TEAD1: variants seen among roughly 807,000 people sequenced by gnomAD.
TEAD1 encodes TEA domain transcription factor 1, also known as transcriptional enhancer factor TEF-1.
Under a neutral mutation model 54.9 loss-of-function variants are expected in TEAD1, and 9 were observed. The ratio of observed to expected loss-of-function variants is 0.16; its 90% CI spans 0.10 to 0.29. The LOEUF (loss-of-function observed/expected upper bound fraction) is 0.29. Among genes scored for constraint, TEAD1 ranks in the 10% least tolerant of loss-of-function variants. TEAD1 has a pLI of 1.00. For synonymous variants in TEAD1, 200 were observed against 187.8 expected, an observed-to-expected ratio of 1.07 and a Z score of -0.53; for missense variants, 387 against 535.9, an observed-to-expected ratio of 0.72 and a Z score of 2.74.
intron 3 of TEAD1, among the ~76,000 whole-genome samples, chr11:12,845,015 A>C (rs1052250194): frequency 3.8e-5 from 5 of 132,452 alleles, no homozygotes; most frequent in Non-Finnish European, 3.1e-5. Context: ...GCCCAGGCTA[A>C]AGTGCAGTGG....
rs967549919 is a variant in TEAD1, at chr11:12,914,852, C to T, written c.874-10060C>T. The stretch of plus-strand genomic sequence containing the variant: ...AGCCTTACCATGTGGCAGGCCTGGA[C>T]GGCTGCCCGCCACAGGGCCCAGCTC... On this transcript the variant is annotated intron_variant, in intron 10 of 12. Transcript: ENST00000527636. Among the ~76,000 whole-genome samples, 25 of 151,922 alleles carry T rather than the reference C, an allele frequency of 1.6e-4. 1 individual carries two copies. The highest frequency in any genetic ancestry group is 9.6e-5 in the African/African-American group (4 of 41,456).
chr11:12,771,922 TAAAAGAC>T (rs1210657660), intron 3 of TEAD1, among the ~76,000 whole-genome samples: 1 of 152,110 alleles, frequency 6.6e-6, no homozygotes, highest in Non-Finnish European at 1.5e-5. Flanking sequence ...TCAAAGAGCT[TAAAAGAC>T]AAAACAACTA....
At chr11:12,780,773 G>T (rs952286717) in intron 3 of TEAD1, among the ~76,000 whole-genome samples, 1 of 152,206 alleles carries the variant, frequency 6.6e-6, no homozygotes, top group Admixed American at 6.5e-5. Flanking sequence ...TAAGACAGCA[G>T]TACCTACAAA....
chr11:12,902,248 G>T (rs1948437135), intron 10 of TEAD1, 135 bp downstream of exon 10: 2 of 1,222,404 alleles, frequency 1.6e-6, no homozygotes, highest in East Asian at 4.7e-5. Flanking sequence ...ATTGCCAAGG[G>T]AGCACGGACT....
At chr11:12,918,950 T>C (rs1948760509) in intron 10 of TEAD1, among the ~76,000 whole-genome samples, 1 of 152,194 alleles carries the variant, frequency 6.6e-6, no homozygotes, top group Admixed American at 6.5e-5. Flanking sequence ...TGTTTCAGGA[T>C]CATGGTTACG....
chr11:12,831,620 A>G (rs1172824338), intron 3 of TEAD1, among the ~76,000 whole-genome samples: 18 of 152,220 alleles, frequency 1.2e-4, no homozygotes, highest in Middle Eastern at 3.4e-3. Context: ...TCTACAAACA[A>G]TTTTAAAAAT....
At chr11:12,782,006 C>T (rs112545942) in intron 3 of TEAD1, among the ~76,000 whole-genome samples, 140 of 148,312 alleles carry the variant, frequency 9.4e-4, no homozygotes, top group African/African-American at 3.1e-3. Context: ...AAAAATTAGC[C>T]AAGCGTGGTA....
chr11:12,676,921 C>T (rs1454151865), intron 2 of TEAD1, among the ~76,000 whole-genome samples: 3 of 151,994 alleles, frequency 2.0e-5, no homozygotes, highest in Non-Finnish European at 4.4e-5. Context: ...CCAAGGTAGA[C>T]TATTTTATTT....
chr11:12,828,599 C>T (rs1382758701), intron 3 of TEAD1, among the ~76,000 whole-genome samples: 1 of 149,784 alleles, frequency 6.7e-6, no homozygotes, highest in Non-Finnish European at 1.5e-5. Context: ...AAAGATACAG[C>T]TTTTGTTTTC....
intron 5 of TEAD1, among the ~76,000 whole-genome samples, chr11:12,871,928 G>A (rs16911695): frequency 0.063 from 9,566 of 152,194 alleles, 1,018 homozygotes; most frequent in African/African-American, 0.22. Flanking sequence ...AGAGCAGAAA[G>A]AGACCTGAGC....
intron 2 of TEAD1, among the ~76,000 whole-genome samples, chr11:12,758,007 T>G (rs185493092): frequency 3.3e-5 from 5 of 152,262 alleles, no homozygotes; most frequent in South Asian, 2.1e-4. Context: ...CTTGAACTCC[T>G]GACCTCAGGT....
At chr11:12,770,601 G>T (rs1296545176) in intron 3 of TEAD1, among the ~76,000 whole-genome samples, 1 of 152,120 alleles carries the variant, frequency 6.6e-6, no homozygotes, top group Non-Finnish European at 1.5e-5. Context: ...CAATAATATA[G>T]GTACTGTAAT....
chr11:12,794,879 A>G (rs16911601), intron 3 of TEAD1, among the ~76,000 whole-genome samples: 5,222 of 152,314 alleles, frequency 0.034, 322 homozygotes, highest in African/African-American at 0.12. Flanking sequence ...GCTTATCCCT[A>G]GTACCTCTGA....
At chr11:12,817,554 A>G (rs771562416) in intron 3 of TEAD1, among the ~76,000 whole-genome samples, 2 of 152,204 alleles carry the variant, frequency 1.3e-5, no homozygotes, top group African/African-American at 2.4e-5. Flanking sequence ...TGTCGACTTC[A>G]TCATCCGTGT....
chr11:12,933,122 A>T (rs1195763501), intron 12 of TEAD1, among the ~76,000 whole-genome samples: 7 of 152,170 alleles, frequency 4.6e-5, no homozygotes, highest in African/African-American at 1.2e-4. Flanking sequence ...CTGATTACAC[A>T]TTAGGAGGTG....
chr11:12,744,372 A>G (rs982923101), intron 2 of TEAD1, among the ~76,000 whole-genome samples: 8 of 152,232 alleles, frequency 5.3e-5, no homozygotes, highest in Non-Finnish European at 1.2e-4. Flanking sequence ...TAAATGTCCA[A>G]GCATGAGAAA....
chr11:12,813,721 C>T (rs979038956), intron 3 of TEAD1, among the ~76,000 whole-genome samples: 2 of 152,204 alleles, frequency 1.3e-5, no homozygotes, highest in African/African-American at 4.8e-5. Flanking sequence ...ACACTTGGCT[C>T]ACAGTGGGTA....
chr11:12,860,016 G>T (rs1415732059), intron 3 of TEAD1, among the ~76,000 whole-genome samples: 5 of 152,172 alleles, frequency 3.3e-5, no homozygotes, highest in African/African-American at 1.2e-4. Flanking sequence ...CACAGTTCTG[G>T]ACTCCAAGCT....
intron 3 of TEAD1, among the ~76,000 whole-genome samples, chr11:12,828,932 A>T (rs56009475): frequency 4.6e-5 from 7 of 150,878 alleles, no homozygotes; most frequent in African/African-American, 1.7e-4. Context: ...TGTTGTGTAT[A>T]TTTCTGCAGA....
Sources: gnomAD v4.1 joint callset for allele counts (sites outside exome capture counted in the v4.1 genomes callset) on GRCh38, gnomAD v4.1.1 for gene constraint, MANE v1.5 for transcripts, NCBI Gene and HGNC (gene_info 2026-07-23, HGNC 2026-07-21) for gene names.